MINDY4: variants seen among roughly 807,000 people sequenced by gnomAD.
MINDY4 encodes the protein probable ubiquitin carboxyl-terminal hydrolase MINDY-4.
Under a neutral mutation model 87.0 loss-of-function variants are expected in MINDY4, and 68 were observed. That is an observed-to-expected ratio of 0.78 (90% CI 0.64 to 0.96). MINDY4 has a LOEUF of 0.96. Ranked by LOEUF, MINDY4 falls within the 40% of genes least tolerant of loss-of-function variation. The pLI, the probability that MINDY4 is intolerant of heterozygous loss-of-function variation, is 0.00. For synonymous variants in MINDY4, 379 were observed against 363.2 expected (o/e 1.04, Z -0.50); for missense variants, 919 against 928.2 (o/e 0.99, Z 0.13).
chr7:30,783,241 T>G (rs1200097379), intron 3 of MINDY4, among the ~76,000 whole-genome samples: 3 of 152,080 alleles, frequency 2.0e-5, no homozygotes, highest in African/African-American at 4.8e-5. Context: ...CTTCTTCCAT[T>G]TTAAAGGACA....
intron 5 of MINDY4, among the ~76,000 whole-genome samples, chr7:30,795,182 C>T (rs993199094): frequency 3.9e-5 from 6 of 152,198 alleles, no homozygotes; most frequent in Admixed American, 3.3e-4. Flanking sequence ...CATGGACACT[C>T]CTACAGTTGG....
At chr7:30,881,143 A>G (rs551585527) in intron 15 of MINDY4, among the ~76,000 whole-genome samples, 2 of 152,256 alleles carry the variant, frequency 1.3e-5, no homozygotes, top group African/African-American at 4.8e-5. Flanking sequence ...CGTGGCACGT[A>G]CATAGCTGGA....
intron 5 of MINDY4, among the ~76,000 whole-genome samples, chr7:30,798,931 AT>A (rs1281968464): frequency 1.3e-5 from 2 of 152,058 alleles, no homozygotes; most frequent in African/African-American, 2.4e-5. Context: ...GTGCTGTGAC[AT>A]TTCTCCTCTG....
At chr7:30,878,241 C>T (rs1417727037) in intron 15 of MINDY4, among the ~76,000 whole-genome samples, 1 of 152,172 alleles carries the variant, frequency 6.6e-6, no homozygotes, top group Non-Finnish European at 1.5e-5. Context: ...GGTGAAGCCT[C>T]TCACTTGCAG....
chr7:30,809,004 GAGAC>G (rs1562537931), intron 5 of MINDY4, among the ~76,000 whole-genome samples: 1 of 151,538 alleles, frequency 6.6e-6, no homozygotes, highest in Non-Finnish European at 1.5e-5. Flanking sequence ...AAGAGAAAAA[GAGAC>G]AGAAAATCAA....
At chr7:30,829,727 G>A (rs1788638008) in intron 6 of MINDY4, among the ~76,000 whole-genome samples, 1 of 152,180 alleles carries the variant, frequency 6.6e-6, no homozygotes, top group Non-Finnish European at 1.5e-5. Flanking sequence ...GTGCATGGCT[G>A]TGCAGAGTAC....
intron 5 of MINDY4, among the ~76,000 whole-genome samples, chr7:30,799,355 C>G (rs1007679227): frequency 3.3e-5 from 5 of 152,150 alleles, no homozygotes; most frequent in African/African-American, 1.2e-4. Context: ...AGACTATAGG[C>G]TCCTCTGAGC....
rs184169033 is a variant in MINDY4, at chr7:30,877,877, A to G, written c.1971+2221A>G. 4.0e-3 allele frequency among the ~76,000 whole-genome samples: 451 copies of G among 111,588 alleles called. 13 individuals carry two copies. In the Admixed American group the frequency reaches 0.053, roughly 13 times the overall value. The allele number at this position is 111,588 out of a possible 152,430, so 73.2% of individuals were successfully genotyped here. A position where few individuals can be genotyped will look rare whatever the true frequency, so the allele number is the denominator to read the frequency against. On this transcript the variant is annotated intron_variant, in intron 15 of 17. Coordinates refer to ENST00000265299, the MANE Select transcript of MINDY4 (RefSeq NM_032222.3). ...TTTTTTTAAGTAGAGATGGGGTTTC[A>G]CCATATTGGCCAGGCTGGTCTTGAA...
At chr7:30,774,143 C>T (rs944933629) in intron 1 of MINDY4, among the ~76,000 whole-genome samples, 2 of 152,254 alleles carry the variant, frequency 1.3e-5, no homozygotes, top group East Asian at 3.8e-4. Context: ...TGTTTACCCT[C>T]TGAGACCCTG....
At chr7:30,785,242 G>GCTCTCTTACTTC (rs1787123816) in intron 3 of MINDY4, among the ~76,000 whole-genome samples, 1 of 145,096 alleles carries the variant, frequency 6.9e-6, no homozygotes, top group African/African-American at 2.6e-5. Context: ...GTTCTTTCTT[G>GCTCTCTTACTTC]CTCTCTTACT....
chr7:30,792,975 G>A (rs1288772775), intron 5 of MINDY4, among the ~76,000 whole-genome samples: 1 of 148,724 alleles, frequency 6.7e-6, no homozygotes, highest in East Asian at 1.9e-4. Context: ...GTAATGTTTT[G>A]TCTGTATTCC....
intron 12 of MINDY4, 53 bp from the exon 13 acceptor site, chr7:30,859,204 G>A: frequency 3.9e-6 from 6 of 1,544,334 alleles, no homozygotes; most frequent in Non-Finnish European, 5.4e-6. Flanking sequence ...GTGTGGGGCT[G>A]GGAAGAGGGA....
At chr7:30,787,778 C>T (rs956027700) in intron 4 of MINDY4, among the ~76,000 whole-genome samples, 1 of 152,206 alleles carries the variant, frequency 6.6e-6, no homozygotes, top group East Asian at 1.9e-4. Flanking sequence ...GGAGCCCTGC[C>T]TGGGTGACAG....
intron 9 of MINDY4, 70 bp from the exon 10 acceptor site, chr7:30,850,384 C>G: frequency 7.0e-7 from 1 of 1,426,612 alleles, no homozygotes; most frequent in Non-Finnish European, 9.7e-7. Context: ...CCTGACCACA[C>G]TAAGTAGAGC....
chr7:30,872,238 T>C lies in MINDY4; in HGVS notation c.1746-5T>C. On this transcript the variant is annotated splice_polypyrimidine_tract_variant and splice_region_variant and intron_variant, in intron 13 of 17. Coordinates refer to ENST00000265299, the MANE Select transcript of MINDY4 (RefSeq NM_032222.3). ...TGTGCTAACAATGCTTCTTGTGTTT[T>C]CCAGCATCCGCCAGGACTTTGATGT... 6.2e-7 allele frequency: 1 copy of C among 1,614,084 alleles called. No homozygotes were observed. Among genetic ancestry groups the C allele is most frequent in the Non-Finnish European group, 8.5e-7 (1 of 1,179,964 alleles).
chr7:30,860,739 C>G (rs964826174), intron 13 of MINDY4, among the ~76,000 whole-genome samples: 1 of 152,112 alleles, frequency 6.6e-6, no homozygotes, highest in South Asian at 2.1e-4. Context: ...TAGCCCTGTC[C>G]CTCTGAAAGG....
At chr7:30,881,608 A>G (rs1217489015) in intron 15 of MINDY4, among the ~76,000 whole-genome samples, 2 of 152,204 alleles carry the variant, frequency 1.3e-5, no homozygotes, top group Non-Finnish European at 2.9e-5. Context: ...ACTTAAGGGT[A>G]TGATCTGTCG....
At chr7:30,821,303 G>A (rs749834114) in intron 5 of MINDY4, among the ~76,000 whole-genome samples, 7 of 152,166 alleles carry the variant, frequency 4.6e-5, no homozygotes, top group Admixed American at 6.5e-5. Context: ...GTGAAGGTCT[G>A]TGATACTAAA....
intron 5 of MINDY4, among the ~76,000 whole-genome samples, chr7:30,807,887 A>T (rs1232538258): frequency 6.6e-6 from 1 of 152,130 alleles, no homozygotes; most frequent in Non-Finnish European, 1.5e-5. Flanking sequence ...TCACTCGGGG[A>T]GCTCGGTTGT....
Sources: allele counts gnomAD v4.1 joint callset (sites outside exome capture counted in the v4.1 genomes callset), GRCh38; gene constraint gnomAD v4.1.1; transcripts MANE v1.5; gene names NCBI Gene and HGNC (gene_info 2026-07-23, HGNC 2026-07-21).